The following ERP44 variants were observed in gnomAD, a reference collection of about 807,000 sequenced individuals.
The protein encoded by ERP44 is endoplasmic reticulum resident protein 44.
A neutral mutation model predicts 53.4 loss-of-function variants in ERP44; 25 were observed. The ratio of observed to expected loss-of-function variants is 0.47; its 90% confidence interval spans 0.34 to 0.65. The LOEUF is 0.65. ERP44 is among the 30% of genes least tolerant of loss of function. The pLI, the probability that ERP44 is intolerant of heterozygous loss-of-function variation, is 0.01. For synonymous variants in ERP44, 145 were observed against 161.2 expected, an observed-to-expected ratio of 0.90 and a Z score of 0.76; for missense variants, 338 against 493.2, an observed-to-expected ratio of 0.69 and a Z score of 2.98.
chr9:99,998,274 C>A, intron 10 of ERP44: 2 of 350,184 alleles, frequency 5.7e-6, no homozygotes, highest in Non-Finnish European at 1.1e-5. Flanking sequence ...CCTCGCTCGT[C>A]CACGGAGGGC....
chr9:99,980,521 A>T lies in ERP44; in HGVS notation c.*2091T>A, dbSNP rs1830137814. The T allele has an allele frequency of 6.5e-6, 1 of 152,864 alleles. No homozygotes were observed. Among genetic ancestry groups the T allele is most frequent in the Admixed American group, 6.5e-5 (1 of 15,294 alleles). The allele number at this position is 152,864 out of a possible 1,614,324, so 9.5% of individuals were successfully genotyped here. On this transcript the variant is annotated 3_prime_UTR_variant, in exon 12 of 12. Coordinates refer to ENST00000262455, the MANE Select transcript of ERP44 (RefSeq NM_015051.3). ...TTTATCCACGCTGTCCTTTCATCCA[A>T]GCACTTGAGCTTAGTGACTTTTTAT... is the stretch of plus-strand genomic sequence containing the variant.
intron 1 of ERP44, among the ~76,000 whole-genome samples, chr9:100,090,740 C>A (rs2118760532): frequency 7.0e-6 from 1 of 142,652 alleles, no homozygotes; most frequent in South Asian, 2.1e-4. Context: ...CGGAGTGAGA[C>A]TCTGTTTCAA....
At chr9:99,990,136 AG>A in intron 10 of ERP44, among the ~76,000 whole-genome samples, 1 of 152,340 alleles carries the variant, frequency 6.6e-6, no homozygotes, top group South Asian at 2.1e-4. Flanking sequence ...CTAGCAAGGC[AG>A]GCCAACATTC....
intron 10 of ERP44, among the ~76,000 whole-genome samples, chr9:100,002,131 A>T (rs920029626): frequency 4.6e-3 from 3 of 652 alleles, no homozygotes; most frequent in African/African-American, 0.016. Flanking sequence ...CTTTATTCAC[A>T]TAAAAAAAAA....
intron 1 of ERP44, among the ~76,000 whole-genome samples, chr9:100,098,239 T>C (rs1826673836): frequency 6.6e-6 from 1 of 152,184 alleles, no homozygotes. Flanking sequence ...TAACCACACC[T>C]TCCACCCTTC....
Position 100,079,297 on chromosome 9 carries a change from C to T in ERP44, c.58-19125G>A, listed in dbSNP as rs552510929. ...ATGCTTCCTGTCCTCAAACATCAGA[C>T]TCCAAGTACTTCAGCTTTCGCACTC... On this transcript the variant is annotated intron_variant, in intron 1 of 11. Transcript: ENST00000262455. Among the ~76,000 whole-genome samples the T allele has an allele frequency of 1.2e-4, 18 of 152,308 alleles. No individual in the cohort carries two copies. In the East Asian group the frequency reaches 3.3e-3, roughly 28 times the overall value.
chr9:99,995,663 T>G (rs1830302464), intron 10 of ERP44, among the ~76,000 whole-genome samples: 1 of 152,202 alleles, frequency 6.6e-6, no homozygotes, highest in Non-Finnish European at 1.5e-5. Flanking sequence ...AACATACTGT[T>G]CACTCCTAGT....
At chr9:100,091,289 T>C (rs1284907877) in intron 1 of ERP44, among the ~76,000 whole-genome samples, 1 of 152,206 alleles carries the variant, frequency 6.6e-6, no homozygotes, top group Non-Finnish European at 1.5e-5. Flanking sequence ...GAATTCGATT[T>C]CAGTCTTTGC....
At chr9:100,009,356 T>A (rs564764971) in intron 8 of ERP44, among the ~76,000 whole-genome samples, 26 of 150,090 alleles carry the variant, frequency 1.7e-4, no homozygotes, top group African/African-American at 5.6e-4. Context: ...TCATGATCCA[T>A]CCCCCTCGGC....
At chr9:100,039,724 G>C (rs929564780) in intron 4 of ERP44, among the ~76,000 whole-genome samples, 2 of 151,832 alleles carry the variant, frequency 1.3e-5, no homozygotes, top group Non-Finnish European at 2.9e-5. Context: ...CAAAAGCACA[G>C]GTAACAAAAA....
intron 2 of ERP44, 109 bp downstream of exon 2, chr9:100,059,991 C>T: frequency 1.1e-6 from 1 of 915,980 alleles, no homozygotes. Context: ...AATGCCAGCT[C>T]TTCATCTGTG....
chr9:100,057,908 A>C (rs1564099731), intron 2 of ERP44, 49 bp from the exon 3 acceptor site: 1 of 1,349,678 alleles, frequency 7.4e-7, no homozygotes, highest in Admixed American at 1.9e-5. Flanking sequence ...TAATTTTGAC[A>C]TAATTAAACA....
At chr9:100,007,730 C>T (rs879219513) in intron 8 of ERP44, 41 bp from the exon 9 acceptor site, 1 of 1,051,498 alleles carries the variant, frequency 9.5e-7, no homozygotes, top group Non-Finnish European at 1.5e-6. Flanking sequence ...CAGGCTTCTC[C>T]ATTCAGTTGT....
intron 1 of ERP44, among the ~76,000 whole-genome samples, chr9:100,079,916 C>T (rs1028448004): frequency 1.4e-5 from 2 of 145,318 alleles, no homozygotes; most frequent in Non-Finnish European, 3.0e-5. Context: ...GCCTGGGTGA[C>T]AGAGTGAGTG....
chr9:99,999,057 C>T (rs1023587183), intron 10 of ERP44: 7 of 752,400 alleles, frequency 9.3e-6, no homozygotes, highest in South Asian at 3.0e-5. Flanking sequence ...GGGCAGGAGG[C>T]GGATGACCGC....
rs139549776 is a variant in ERP44 at position 100,091,264 on chromosome 9, T to G, written c.57+7520A>C. Among the ~76,000 whole-genome samples the G allele has an allele frequency of 2.1e-3, 317 of 152,276 alleles. 2 individuals carry two copies. Among genetic ancestry groups the G allele is most frequent in the African/African-American group, 7.3e-3 (302 of 41,550 alleles). On this transcript the variant is annotated intron_variant, in intron 1 of 11. Coordinates refer to ENST00000262455, the MANE Select transcript of ERP44 (RefSeq NM_015051.3). ...GTGGTGACCACAATATCACCAAGGA[T>G]TCCCAAAGCAGTTAGAATTCGATTT...
intron 1 of ERP44, among the ~76,000 whole-genome samples, chr9:100,087,966 G>A (rs1176443601): frequency 1.3e-5 from 2 of 152,046 alleles, no homozygotes; most frequent in East Asian, 1.9e-4. Context: ...CAAAAAACAC[G>A]TCAGGAAATC....
At chr9:100,018,894 GA>G (rs1830554569) in intron 6 of ERP44, among the ~76,000 whole-genome samples, 1 of 152,026 alleles carries the variant, frequency 6.6e-6, no homozygotes, top group Admixed American at 6.5e-5. Flanking sequence ...CGTGGGAACA[GA>G]AAAAAATGTG....
chr9:100,051,168 G>A (rs538299086), intron 4 of ERP44, among the ~76,000 whole-genome samples: 1 of 152,308 alleles, frequency 6.6e-6, no homozygotes, highest in Admixed American at 6.5e-5. Flanking sequence ...GGGCTCAGAA[G>A]ACTGTGAAAT....
Sources: allele counts gnomAD v4.1 joint callset (sites outside exome capture counted in the v4.1 genomes callset), GRCh38; gene constraint gnomAD v4.1.1; transcripts MANE v1.5; gene names NCBI Gene and HGNC (gene_info 2026-07-23, HGNC 2026-07-21).